ABCB7: variants seen among roughly 807,000 people sequenced by gnomAD.
The protein encoded by ABCB7 is iron-sulfur clusters transporter ABCB7, mitochondrial.
A neutral mutation model predicts 54.4 loss-of-function variants in ABCB7; 7 were observed. The observed-to-expected ratio is 0.13, with a 90% CI of 0.07 to 0.24. ABCB7 has a LOEUF of 0.24. Ranked by LOEUF, ABCB7 falls within the 10% of genes least tolerant of loss-of-function variation. ABCB7 has a pLI of 1.00. For synonymous variants in ABCB7, 218 were observed against 207.1 expected (o/e 1.05, Z -0.45); for missense variants, 356 against 570.4 (o/e 0.62, Z 3.83).
At chrX:75,078,497 G>T (rs923224938) in intron 4 of ABCB7, among the ~76,000 whole-genome samples, 1 of 111,513 alleles carries the variant, frequency 9.0e-6, no homozygotes, top group Non-Finnish European at 1.9e-5. Context: ...GGATTTTAGT[G>T]TATCTATCAC....
chrX:75,156,264 C>T lies in ABCB7; in HGVS notation c.9G>A (p.Leu3=). ...CCCAGCGCCAAGAATGCATCGCGAG[C>T]AGCGCCATCTTGAGCGAGGAAAGAG... MA[L]LAMHSWRWAA... The change falls in exon 1 of 16, where the codon CTG becomes CTA. Residue 3 remains leucine (L), a synonymous_variant. Coordinates refer to ENST00000373394, the MANE Select transcript of ABCB7 (RefSeq NM_001271696.3). 8.3e-7 allele frequency: 1 copy of T among 1,204,542 alleles called. No individual in the cohort carries two copies.
At chrX:75,053,686 C>A in intron 15 of ABCB7, 101 bp from the exon 16 acceptor site, 2 of 1,108,148 alleles carry the variant, frequency 1.8e-6, no homozygotes, top group East Asian at 3.3e-5. Flanking sequence ...GAAGGATTTG[C>A]ATTCATTAAA....
intron 2 of ABCB7, among the ~76,000 whole-genome samples, chrX:75,114,311 T>C (rs1001676894): frequency 8.9e-6 from 1 of 112,085 alleles, no homozygotes; most frequent in Admixed American, 9.5e-5. Context: ...CTTTCACTTA[T>C]ATTAGCAATG....
chrX:75,115,737 A>G (rs920794721), intron 1 of ABCB7, among the ~76,000 whole-genome samples: 2 of 108,000 alleles, frequency 1.9e-5, no homozygotes, highest in Admixed American at 1.0e-4. Context: ...GGGGACCCCA[A>G]AGAAACCTGG....
chrX:75,098,715 G>C (rs1001396168), intron 4 of ABCB7, among the ~76,000 whole-genome samples: 4 of 111,518 alleles, frequency 3.6e-5, no homozygotes, highest in Admixed American at 2.9e-4. Context: ...TCTCACAACG[G>C]TTTCAAGGAG....
At chrX:75,098,252 T>C (rs1438237183) in intron 4 of ABCB7, among the ~76,000 whole-genome samples, 1 of 106,673 alleles carries the variant, frequency 9.4e-6, no homozygotes, top group Non-Finnish European at 1.9e-5. Flanking sequence ...GAGATTGCAG[T>C]GAGCCAAGAT....
intron 3 of ABCB7, among the ~76,000 whole-genome samples, chrX:75,111,472 G>A (rs2081760018): frequency 9.0e-6 from 1 of 111,676 alleles, no homozygotes; most frequent in African/African-American, 3.3e-5. Flanking sequence ...CCATTTTACA[G>A]ATGAAGAAAC....
intron 3 of ABCB7, among the ~76,000 whole-genome samples, chrX:75,106,619 T>A (rs1248375018): frequency 8.9e-6 from 1 of 111,751 alleles, no homozygotes; most frequent in Non-Finnish European, 1.9e-5. Context: ...AAAACTACCA[T>A]TCAATCCAGT....
intron 1 of ABCB7, among the ~76,000 whole-genome samples, chrX:75,128,595 A>T (rs2081951879): frequency 8.9e-6 from 1 of 112,113 alleles, no homozygotes; most frequent in Admixed American, 9.4e-5. Flanking sequence ...CAAAATTGAC[A>T]AATGGGATCT....
chrX:75,148,032 C>A (rs2082104716), intron 1 of ABCB7, among the ~76,000 whole-genome samples: 1 of 111,762 alleles, frequency 8.9e-6, no homozygotes, highest in Admixed American at 9.5e-5. Flanking sequence ...AGGAGAATCG[C>A]TTGAACCTGG....
chrX:75,137,852 T>C lies in ABCB7; in HGVS notation c.168+18253A>G, dbSNP rs769044951. ...CACATGGACACTCAGAAGGGAACAATAGACACCAGAGCCTATTTGAGGGTA... is the reference window on the plus strand; with the variant it reads ...CACATGGACACTCAGAAGGGAACAACAGACACCAGAGCCTATTTGAGGGTA... On this transcript the variant is annotated intron_variant, in intron 1 of 15. Transcript: ENST00000373394. Among the ~76,000 whole-genome samples the C allele has an allele frequency of 1.1e-3, 123 of 111,230 alleles. 3 individuals carry two copies. Among genetic ancestry groups the C allele is most frequent in the African/African-American group, 3.7e-3 (114 of 30,631 alleles).
At chrX:75,121,329 CTTG>C (rs1456723241) in intron 1 of ABCB7, among the ~76,000 whole-genome samples, 1 of 107,793 alleles carries the variant, frequency 9.3e-6, no homozygotes, top group African/African-American at 3.4e-5. Flanking sequence ...AAAAATTATT[CTTG>C]TTGGACATTA....
At chrX:75,129,479 C>T (rs1296121367) in intron 1 of ABCB7, among the ~76,000 whole-genome samples, 1 of 109,874 alleles carries the variant, frequency 9.1e-6, no homozygotes, top group Non-Finnish European at 1.9e-5. Flanking sequence ...ATAGCATTAG[C>T]AGAAATATCT....
rs1324687204 is a variant in ABCB7 at position 75,054,545 on chromosome X, CTT to C, written c.2044-962_2044-961del. On this transcript the variant is annotated intron_variant, in intron 15 of 15. Coordinates refer to ENST00000373394, the MANE Select transcript of ABCB7 (RefSeq NM_001271696.3). ...TTTTATATTTATTTTCTTATATAGT[CTT>C]TTAATTCTCCTAGACTTAGTAACTT... Among the ~76,000 whole-genome samples, 8 of 108,338 alleles carry C rather than the reference CTT, an allele frequency of 7.4e-5. No individual in the cohort carries two copies. In the East Asian group the frequency reaches 2.3e-3, roughly 31 times the overall value. The allele number at this position is 108,338 out of a possible 115,157, so 94.1% of individuals were successfully genotyped here. A position where few individuals can be genotyped will look rare whatever the true frequency, so the allele number is the denominator to read the frequency against.
chrX:75,095,449 C>T (rs868627347), intron 4 of ABCB7, among the ~76,000 whole-genome samples: 22 of 112,790 alleles, frequency 2.0e-4, no homozygotes, highest in African/African-American at 5.8e-4. Context: ...ACCTGCAATA[C>T]TACTCAAGAA....
At chrX:75,083,007 GATC>G (rs1569225373) in intron 4 of ABCB7, among the ~76,000 whole-genome samples, 1 of 111,313 alleles carries the variant, frequency 9.0e-6, no homozygotes, top group Non-Finnish European at 1.9e-5. Flanking sequence ...ATATTACAAT[GATC>G]AACAAAAATC....
Position 75,080,714 on chromosome X carries a change from T to G in ABCB7, c.454-4060A>C, listed in dbSNP as rs1349883048. The stretch of plus-strand genomic sequence containing the variant: ...TAAATTTCAAAACTGTTCCAATAGG[T>G]GCATATTGATACCTCACTGATGTTG... On this transcript the variant is annotated intron_variant, in intron 4 of 15. Coordinates refer to ENST00000373394, the MANE Select transcript of ABCB7 (RefSeq NM_001271696.3). Among the ~76,000 whole-genome samples, 6 of 112,052 alleles carry G rather than the reference T, an allele frequency of 5.4e-5. No individual in the cohort carries two copies. In the Admixed American group the frequency reaches 5.7e-4, roughly 11 times the overall value.
chrX:75,063,269 T>C (rs765488964), intron 13 of ABCB7, among the ~76,000 whole-genome samples: 34 of 111,272 alleles, frequency 3.1e-4, no homozygotes, highest in African/African-American at 1.0e-3. Context: ...TCTAAGGTCA[T>C]CAATCTTATA....
intron 4 of ABCB7, among the ~76,000 whole-genome samples, chrX:75,089,507 A>G (rs192727813): frequency 9.0e-6 from 1 of 111,199 alleles, no homozygotes; most frequent in East Asian, 2.8e-4. Flanking sequence ...CTATAAATGT[A>G]TAATGCAAAC....
Sources: allele counts gnomAD v4.1 joint callset (sites outside exome capture counted in the v4.1 genomes callset), GRCh38; gene constraint gnomAD v4.1.1; transcripts MANE v1.5; gene names NCBI Gene and HGNC (gene_info 2026-07-23, HGNC 2026-07-21).